Variants in STK38L observed in about 807,000 individuals in gnomAD.
STK38L encodes the protein serine/threonine-protein kinase 38-like.
In STK38L, 28 loss-of-function variants were observed where a neutral mutation model predicts 59.7. That is an observed-to-expected ratio of 0.47 (90% CI 0.35 to 0.64). The LOEUF (loss-of-function observed/expected upper bound fraction) is 0.64. Among genes scored for constraint, STK38L ranks in the 30% least tolerant of loss-of-function variants. The probability of loss-of-function intolerance (pLI) is 0.01; values close to 1 mark genes in which losing one functional copy is unlikely to be tolerated. For synonymous variants in STK38L, 162 were observed against 176.8 expected (o/e 0.92, Z 0.66); for missense variants, 314 against 555.8 (o/e 0.56, Z 4.37).
chr12:27,297,677 C>A, intron 1 of STK38L, 33 bp from the exon 2 acceptor site: 1 of 1,564,918 alleles, frequency 6.4e-7, no homozygotes, highest in Non-Finnish European at 8.6e-7. Context: ...TTTTTTTTCC[C>A]ACTGAATAAT....
intron 5 of STK38L, 42 bp from the exon 6 acceptor site, chr12:27,312,507 G>T: frequency 6.2e-7 from 1 of 1,602,278 alleles, no homozygotes; most frequent in Non-Finnish European, 8.5e-7. Flanking sequence ...ACAAATGTGT[G>T]ATGTATTTAC....
intron 5 of STK38L, among the ~76,000 whole-genome samples, chr12:27,311,091 T>A (rs895648544): frequency 6.6e-6 from 1 of 152,222 alleles, no homozygotes; most frequent in Non-Finnish European, 1.5e-5. Flanking sequence ...TGGAAAGGGA[T>A]CCTGTAATTT....
intron 1 of STK38L, among the ~76,000 whole-genome samples, chr12:27,257,479 A>G (rs1943114133): frequency 6.6e-6 from 1 of 152,174 alleles, no homozygotes; most frequent in African/African-American, 2.4e-5. Context: ...CTTAATTCAC[A>G]TTCCAATCCT....
intron 1 of STK38L, among the ~76,000 whole-genome samples, chr12:27,254,913 A>C (rs574265076): frequency 9.2e-4 from 140 of 152,350 alleles, no homozygotes; most frequent in Non-Finnish European, 1.5e-3. Flanking sequence ...TTGAACTCCC[A>C]GCAGTCCTGT....
At chr12:27,288,033 C>T (rs1299555781) in intron 1 of STK38L, among the ~76,000 whole-genome samples, 3 of 152,250 alleles carry the variant, frequency 2.0e-5, no homozygotes, top group East Asian at 3.9e-4. Flanking sequence ...CAGGTGTGCA[C>T]CACCATGCCC....
chr12:27,277,188 CTTCACACCCCGCTTTG>C (rs950477435), intron 1 of STK38L, among the ~76,000 whole-genome samples: 3 of 152,048 alleles, frequency 2.0e-5, no homozygotes, highest in Admixed American at 6.6e-5. Context: ...TGTGTGAAAA[CTTCACACCCCGCTTTG>C]TTCCTCGATT....
chr12:27,307,324 A>G (rs1944342165), intron 3 of STK38L, among the ~76,000 whole-genome samples: 1 of 152,234 alleles, frequency 6.6e-6, no homozygotes, highest in African/African-American at 2.4e-5. Context: ...GAAGTATCAG[A>G]ATTCCATTGC....
chr12:27,292,858 C>T (rs1398560176), intron 1 of STK38L, among the ~76,000 whole-genome samples: 4 of 152,188 alleles, frequency 2.6e-5, no homozygotes, highest in East Asian at 1.9e-4. Context: ...GAAACCTCAT[C>T]TTCTATTTAC....
In STK38L at chr12:27,322,520, G is replaced by A. The variant is rs977524942; in HGVS notation, c.*65G>A. The A allele has an allele frequency of 6.7e-5, 105 of 1,574,646 alleles. No individual in the cohort carries two copies. The East Asian group carries it at 1.2e-3, about 18-fold the overall frequency. ...AGCTGCATCACCAGGCTTGCTTGGCGTAGATAACAATACACTGAAATACTC... is the reference window on the plus strand; with the variant it reads ...AGCTGCATCACCAGGCTTGCTTGGCATAGATAACAATACACTGAAATACTC... On this transcript the variant is annotated 3_prime_UTR_variant, in exon 14 of 14. Coordinates refer to ENST00000389032, the MANE Select transcript of STK38L (RefSeq NM_015000.4).
Position 27,317,536 on chromosome 12 carries a change from C to G in STK38L, c.955+83C>G. On this transcript the variant is annotated intron_variant, in intron 10 of 13. Coordinates refer to ENST00000389032, the MANE Select transcript of STK38L (RefSeq NM_015000.4). ...TTGAACATATTACAGATATCATTGA[C>G]TAAAATATTTGAAGTCTTTTAAGCT... The G allele has an allele frequency of 2.7e-6, 3 of 1,125,890 alleles. No homozygotes were observed. The Admixed American group carries it at 6.8e-5, about 26-fold the overall frequency. The allele number at this position is 1,125,890 out of a possible 1,614,324, so 69.7% of individuals were successfully genotyped here.
chr12:27,317,487 A>G (rs376557785), intron 10 of STK38L, 34 bp downstream of exon 10: 24 of 1,483,030 alleles, frequency 1.6e-5, no homozygotes, highest in Non-Finnish European at 2.2e-5. Context: ...TACAAAATAT[A>G]TACATTTCCT....
Position 27,319,415 on chromosome 12 carries a change from G to A in STK38L, c.1167G>A (p.Glu389=). The part of the protein sequence containing the change: ...GHPFFEGVDW[E]HIRERPAAIP... ...CCTTTTTTGAAGGTGTCGACTGGGA[G>A]CACATAAGGTATGTTCCTAGGCTTT... Residue 389 remains glutamate (E), a synonymous_variant, in exon 12 of 14, where the codon GAG becomes GAA. Coordinates refer to ENST00000389032, the MANE Select transcript of STK38L (RefSeq NM_015000.4). 6.2e-7 allele frequency: 1 copy of A among 1,612,260 alleles called. No homozygotes were observed. Among genetic ancestry groups the A allele is most frequent in the Non-Finnish European group, 8.5e-7 (1 of 1,178,624 alleles).
chr12:27,277,157 G>A (rs1248442883), intron 1 of STK38L, among the ~76,000 whole-genome samples: 1 of 152,110 alleles, frequency 6.6e-6, no homozygotes, highest in East Asian at 1.9e-4. Context: ...CATCTCATTA[G>A]AAATAGAGTC....
At chr12:27,266,077 CA>C (rs1472256989) in intron 1 of STK38L, among the ~76,000 whole-genome samples, 2 of 152,144 alleles carry the variant, frequency 1.3e-5, no homozygotes, top group Non-Finnish European at 2.9e-5. Context: ...TGACTCTTTT[CA>C]AATAATATTT....
At chr12:27,289,648 G>A (rs1463360448) in intron 1 of STK38L, among the ~76,000 whole-genome samples, 1 of 152,198 alleles carries the variant, frequency 6.6e-6, no homozygotes, top group Non-Finnish European at 1.5e-5. Flanking sequence ...CAGGGCATAC[G>A]CCACATGGAG....
chr12:27,315,365 T>A lies in STK38L; in HGVS notation c.837+15T>A. 6.2e-7 allele frequency: 1 copy of A among 1,607,120 alleles called. No individual in the cohort carries two copies. On this transcript the variant is annotated intron_variant, in intron 9 of 13. Coordinates refer to ENST00000389032, the MANE Select transcript of STK38L (RefSeq NM_015000.4). ...GGAGACAACTGGTGAGTCAACCAGT[T>A]TTTAAGAGAATTTTATGCCTTGGTT... is the stretch of plus-strand genomic sequence containing the variant.
intron 1 of STK38L, among the ~76,000 whole-genome samples, chr12:27,246,328 T>TTGTG (rs3080857): frequency 1.7e-4 from 26 of 151,464 alleles, no homozygotes; most frequent in African/African-American, 4.9e-4. Context: ...GGAGGCTCTT[T>TTGTG]TGTGTGTGTG....
At chr12:27,270,864 A>T (rs1262920885) in intron 1 of STK38L, among the ~76,000 whole-genome samples, 1 of 152,208 alleles carries the variant, frequency 6.6e-6, no homozygotes, top group East Asian at 1.9e-4. Flanking sequence ...TATTTGTAAT[A>T]TGTAACTTGC....
At chr12:27,291,545 G>A (rs1943896640) in intron 1 of STK38L, among the ~76,000 whole-genome samples, 1 of 152,106 alleles carries the variant, frequency 6.6e-6, no homozygotes, top group South Asian at 2.1e-4. Context: ...CAGTCAACAT[G>A]GTATATATCT....
Sources: allele counts gnomAD v4.1 joint callset (sites outside exome capture counted in the v4.1 genomes callset), GRCh38; gene constraint gnomAD v4.1.1; transcripts MANE v1.5; gene names NCBI Gene and HGNC (gene_info 2026-07-23, HGNC 2026-07-21).